FAM13A: variants seen among roughly 807,000 people sequenced by gnomAD.
The protein encoded by FAM13A is family with sequence similarity 13 member A.
FAM13A carries 76 observed loss-of-function variants against 129.6 expected under a neutral mutation model. That is an observed-to-expected ratio of 0.59 (90% CI 0.49 to 0.71). The LOEUF (loss-of-function observed/expected upper bound fraction) is 0.71, where lower values mean the gene tolerates loss of function less well. FAM13A is among the 30% of genes least tolerant of loss of function. FAM13A has a pLI of 0.00. For synonymous variants in FAM13A, 443 were observed against 449.9 expected (o/e 0.98, Z 0.20); for missense variants, 1,108 against 1,249.3 (o/e 0.89, Z 1.70).
chr4:88,832,167 G>T (rs917878302), intron 7 of FAM13A, among the ~76,000 whole-genome samples: 2 of 152,158 alleles, frequency 1.3e-5, no homozygotes, highest in African/African-American at 4.8e-5. Flanking sequence ...ATGGTGCTGG[G>T]AGAACTGGCT....
chr4:89,039,515 A>G (rs1769823571), intron 1 of FAM13A, among the ~76,000 whole-genome samples: 1 of 152,226 alleles, frequency 6.6e-6, no homozygotes, highest in African/African-American at 2.4e-5. Flanking sequence ...ACTGGGAAGT[A>G]AGGACAAAGA....
intron 1 of FAM13A, among the ~76,000 whole-genome samples, chr4:89,043,064 C>T (rs766232101): frequency 1.4e-4 from 21 of 152,158 alleles, no homozygotes; most frequent in Non-Finnish European, 7.3e-5. Flanking sequence ...GGAAAGCTTA[C>T]GGCAGACATC....
At chr4:88,982,302 T>C (rs1227283458) in intron 4 of FAM13A, among the ~76,000 whole-genome samples, 1 of 152,264 alleles carries the variant, frequency 6.6e-6, no homozygotes, top group Non-Finnish European at 1.5e-5. Flanking sequence ...TTCCATCTCA[T>C]GTTTCTAAAG....
intron 6 of FAM13A, among the ~76,000 whole-genome samples, chr4:88,898,241 A>T (rs1445406525): frequency 6.6e-6 from 1 of 152,174 alleles, no homozygotes; most frequent in African/African-American, 2.4e-5. Context: ...TTAATAAGCA[A>T]ATGTTACCTA....
intron 5 of FAM13A, among the ~76,000 whole-genome samples, chr4:88,913,790 T>C (rs999059108): frequency 6.6e-6 from 1 of 152,160 alleles, no homozygotes; most frequent in Non-Finnish European, 1.5e-5. Context: ...ACTACCAATA[T>C]ATAATGTTGC....
At chr4:89,049,954 T>C (rs1771339705) in intron 1 of FAM13A, among the ~76,000 whole-genome samples, 1 of 152,226 alleles carries the variant, frequency 6.6e-6, no homozygotes, top group Admixed American at 6.5e-5. Flanking sequence ...CAACTACTAC[T>C]GTCTAGCCCA....
intron 4 of FAM13A, among the ~76,000 whole-genome samples, chr4:88,941,541 T>C (rs1355246014): frequency 2.0e-5 from 3 of 152,206 alleles, no homozygotes; most frequent in Non-Finnish European, 4.4e-5. Flanking sequence ...CCAATTCAGA[T>C]CTTTAAACTA....
intron 4 of FAM13A, among the ~76,000 whole-genome samples, chr4:88,940,788 G>T (rs1561391561): frequency 6.6e-6 from 1 of 152,190 alleles, no homozygotes; most frequent in Non-Finnish European, 1.5e-5. Context: ...TCATCCCTCA[G>T]CCATTGTAGC....
chr4:88,873,324 A>G (rs1741760085), intron 6 of FAM13A, among the ~76,000 whole-genome samples: 2 of 152,192 alleles, frequency 1.3e-5, no homozygotes, highest in Admixed American at 1.3e-4. Flanking sequence ...ACACAAAAAA[A>G]CCCTTCAAAA....
At chr4:88,815,066 C>A (rs1377047494) in intron 7 of FAM13A, among the ~76,000 whole-genome samples, 1 of 152,076 alleles carries the variant, frequency 6.6e-6, no homozygotes, top group Non-Finnish European at 1.5e-5. Flanking sequence ...TGGTCTCCAA[C>A]TCCTGGTTTC....
At chr4:89,011,359 C>T (rs920591219) in intron 3 of FAM13A, among the ~76,000 whole-genome samples, 2 of 152,072 alleles carry the variant, frequency 1.3e-5, no homozygotes, top group African/African-American at 2.4e-5. Flanking sequence ...ATGGTAAATG[C>T]TATGTTACGT....
At chr4:88,838,507 G>T (rs1735214529) in intron 7 of FAM13A, among the ~76,000 whole-genome samples, 1 of 152,076 alleles carries the variant, frequency 6.6e-6, no homozygotes, top group Non-Finnish European at 1.5e-5. Context: ...GGATGCCGAG[G>T]CGGGCGGATC....
intron 4 of FAM13A, among the ~76,000 whole-genome samples, chr4:88,966,558 T>C (rs1056435186): frequency 6.6e-6 from 1 of 152,206 alleles, no homozygotes; most frequent in Non-Finnish European, 1.5e-5. Flanking sequence ...AAAGCTATTT[T>C]ATTTTTTTCA....
At chr4:88,731,977 C>T in intron 22 of FAM13A, 25 bp downstream of exon 22, 2 of 1,563,116 alleles carry the variant, frequency 1.3e-6, no homozygotes, top group Non-Finnish European at 1.7e-6. Context: ...CAAAACATTT[C>T]ACCACCACCA....
At chr4:89,020,098 A>T (rs1767039052) in intron 3 of FAM13A, among the ~76,000 whole-genome samples, 2 of 152,184 alleles carry the variant, frequency 1.3e-5, no homozygotes, top group Admixed American at 6.5e-5. Flanking sequence ...TAATGGTATC[A>T]GAAATTTCAT....
intron 10 of FAM13A, among the ~76,000 whole-genome samples, chr4:88,785,947 T>C (rs753146038): frequency 7.9e-5 from 12 of 152,116 alleles, no homozygotes; most frequent in Non-Finnish European, 2.9e-5. Context: ...AGAAGAACAA[T>C]TAAGGGAAAG....
At chr4:89,020,424 G>T (rs756367488) in intron 3 of FAM13A, 36 bp downstream of exon 3, 16 of 1,526,336 alleles carry the variant, frequency 1.0e-5, no homozygotes, top group Middle Eastern at 1.7e-4. Context: ...GCCTAGTAAA[G>T]TTGTTTTAAC....
At chr4:88,922,996 C>T (rs1751397284) in intron 5 of FAM13A, among the ~76,000 whole-genome samples, 1 of 152,194 alleles carries the variant, frequency 6.6e-6, no homozygotes, top group East Asian at 1.9e-4. Flanking sequence ...CAAGACTAAA[C>T]CAGGAAGAAG....
intron 7 of FAM13A, among the ~76,000 whole-genome samples, chr4:88,828,732 C>A (rs1287119747): frequency 6.6e-6 from 1 of 152,180 alleles, no homozygotes; most frequent in African/African-American, 2.4e-5. Flanking sequence ...CTTTTTAACA[C>A]TTTCTACTGT....
Sources: allele counts gnomAD v4.1 joint callset (sites outside exome capture counted in the v4.1 genomes callset), GRCh38; gene constraint gnomAD v4.1.1; transcripts MANE v1.5; gene names NCBI Gene and HGNC (gene_info 2026-07-23, HGNC 2026-07-21).